CCNI: variants seen among roughly 807,000 people sequenced by gnomAD.
The protein encoded by CCNI is cyclin-I.
Under a neutral mutation model 34.1 loss-of-function variants are expected in CCNI, and 14 were observed. That is an observed-to-expected ratio of 0.41 (90% CI 0.27 to 0.64). The LOEUF (loss-of-function observed/expected upper bound fraction) is 0.64, where lower values mean the gene tolerates loss of function less well. CCNI is among the 30% of genes least tolerant of loss of function. CCNI has a pLI of 0.31. For missense variants in CCNI, 385 were observed against 440.5 expected, an observed-to-expected ratio of 0.87 and a Z score of 1.13; for synonymous variants, 154 against 158.4, an observed-to-expected ratio of 0.97 and a Z score of 0.21.
chr4:77,056,225 CATT>C (rs748705549), intron 4 of CCNI, 21 bp downstream of exon 4: 10 of 1,604,180 alleles, frequency 6.2e-6, no homozygotes, highest in Non-Finnish European at 7.7e-6. Flanking sequence ...ACGGAAGAAA[CATT>C]ATCTTGAAAG....
intron 2 of CCNI, among the ~76,000 whole-genome samples, chr4:77,062,981 G>A (rs998784252): frequency 6.6e-6 from 1 of 152,184 alleles, no homozygotes; most frequent in African/African-American, 2.4e-5. Context: ...TCTATTATAT[G>A]CAAGTAAACA....
At chr4:77,051,802 A>T (rs1182910833) in intron 6 of CCNI, among the ~76,000 whole-genome samples, 1 of 152,136 alleles carries the variant, frequency 6.6e-6, no homozygotes, top group Non-Finnish European at 1.5e-5. Context: ...AATATGTATT[A>T]TTTTTTATAA....
chr4:77,066,254 T>G lies in CCNI; in HGVS notation c.109A>C (p.Asn37His). ...WKVNVRKMPSNQNVSPSQRDE... is the reference protein window; with the variant it reads ...WKVNVRKMPSHQNVSPSQRDE... ...CTTAAGAGAAAAATCATTACCTGAT[T>G]TGAAGGCATTTTCCGCACATTCACT... Residue 37 changes from asparagine to histidine, a missense_variant, in exon 2 of 7, where the codon AAT becomes CAT. This residue lies in a region of CCNI where 135 missense variants were observed against 191.8 expected (regional missense o/e 0.70). Coordinates refer to ENST00000237654, the MANE Select transcript of CCNI (RefSeq NM_006835.3). 1 of 1,613,760 alleles carries G rather than the reference T, an allele frequency of 6.2e-7. No individual in the cohort carries two copies. The highest frequency in any genetic ancestry group is 8.5e-7 in the Non-Finnish European group (1 of 1,179,688).
At chr4:77,064,662 G>A (rs530655899) in intron 2 of CCNI, 32 of 149,672 alleles carry the variant, frequency 2.1e-4, no homozygotes, top group African/African-American at 5.9e-4. Flanking sequence ...GAAAAGGATC[G>A]AATTATAATT....
intron 3 of CCNI, among the ~76,000 whole-genome samples, chr4:77,058,290 C>T (rs554682594): frequency 4.6e-5 from 7 of 151,996 alleles, no homozygotes; most frequent in Non-Finnish European, 7.4e-5. Flanking sequence ...AGGAGGCAGA[C>T]ACACTCCAGC....
chr4:77,059,242 G>A (rs1728442484), intron 2 of CCNI, among the ~76,000 whole-genome samples: 1 of 151,774 alleles, frequency 6.6e-6, no homozygotes, highest in African/African-American at 2.4e-5. Flanking sequence ...TTGTTTTATT[G>A]TTGTTGTAAG....
In CCNI at chr4:77,048,615, G is replaced by C; in HGVS notation, c.738C>G (p.His246Gln). 1 of 1,581,158 alleles carries C rather than the reference G, an allele frequency of 6.3e-7. No individual in the cohort carries two copies. The highest frequency in any genetic ancestry group is 1.8e-5 in the Admixed American group (1 of 56,884). ...GCAGGGAAGACTGCAGAGTAGAAAGGTGATGTGCCACAAGCTCCCGACAAT... is the reference window on the plus strand; with the variant it reads ...GCAGGGAAGACTGCAGAGTAGAAAGCTGATGTGCCACAAGCTCCCGACAAT... Reference protein sequence around the residue: ...LIHCRELVAHHLSTLQSSLPL... With the variant: ...LIHCRELVAHQLSTLQSSLPL... Residue 246 changes from histidine (H) to glutamine (Q), a missense_variant, in exon 7 of 7, where the codon CAC becomes CAG. By Grantham distance (24) the His-to-Gln change is conservative. Coordinates refer to ENST00000237654, the MANE Select transcript of CCNI (RefSeq NM_006835.3).
intron 1 of CCNI, among the ~76,000 whole-genome samples, chr4:77,067,714 C>T (rs1421322970): frequency 6.9e-6 from 1 of 145,036 alleles, no homozygotes; most frequent in Admixed American, 6.9e-5. Context: ...GTTGCCCAGC[C>T]TCACGCAGTC....
intron 3 of CCNI, among the ~76,000 whole-genome samples, chr4:77,056,737 C>CT (rs1392034039): frequency 1.3e-5 from 2 of 151,812 alleles, no homozygotes; most frequent in Non-Finnish European, 2.9e-5. Context: ...CTACAACGCC[C>CT]GCCACCACGC....
chr4:77,048,916 G>A (rs1727637228), intron 6 of CCNI, among the ~76,000 whole-genome samples: 1 of 144,102 alleles, frequency 6.9e-6, no homozygotes, highest in African/African-American at 2.5e-5. Context: ...AATGTATGCT[G>A]AACATTTACA....
intron 1 of CCNI, among the ~76,000 whole-genome samples, chr4:77,068,436 G>C (rs899386144): frequency 6.6e-6 from 1 of 152,116 alleles, no homozygotes; most frequent in African/African-American, 2.4e-5. Flanking sequence ...TTTCATAGTA[G>C]GAAATTCATA....
At chr4:77,070,057 G>A (rs891444452) in intron 1 of CCNI, among the ~76,000 whole-genome samples, 3 of 131,670 alleles carry the variant, frequency 2.3e-5, no homozygotes, top group Non-Finnish European at 3.1e-5. Context: ...TCACTCTGTT[G>A]CCCAGGCTAG....
At chr4:77,073,410 A>G (rs531223648) in intron 1 of CCNI, among the ~76,000 whole-genome samples, 1 of 152,316 alleles carries the variant, frequency 6.6e-6, no homozygotes, top group East Asian at 1.9e-4. Context: ...AACTTCACTA[A>G]TATGTATTAT....
At position 77,075,626 on chromosome 4, in the gene CCNI, A is replaced by G. The variant is rs1225706387; in HGVS notation, c.-198T>C. 1 of 956,402 alleles carries G rather than the reference A, an allele frequency of 1.0e-6. No homozygotes were observed. Among genetic ancestry groups the G allele is most frequent in the Non-Finnish European group, 1.2e-6 (1 of 802,854 alleles). The allele number at this position is 956,402 out of a possible 1,614,324, so 59.2% of individuals were successfully genotyped here. ...GACTCGGCCAACTGAGGAGGGAGAA[A>G]GGGGAAGCGGATCGGGGGGCGCGGG... On this transcript the variant is annotated 5_prime_UTR_variant, in exon 1 of 7. Coordinates refer to ENST00000237654, the MANE Select transcript of CCNI (RefSeq NM_006835.3).
rs4252915 is a variant in CCNI at position 77,053,037 on chromosome 4, G to T, written c.690+2113C>A. 6.3e-3 allele frequency among the ~76,000 whole-genome samples: 960 copies of T among 152,214 alleles called. 15 individuals are homozygous for T. Among genetic ancestry groups the T allele is most frequent in the African/African-American group, 0.022 (912 of 41,496 alleles). ...TTCCAGTTTTCAAACTACGTCCAAA[G>T]ACTACCTACATAATATAATCTAAAC... On this transcript the variant is annotated intron_variant, in intron 6 of 6. Transcript: ENST00000237654.
intron 2 of CCNI, among the ~76,000 whole-genome samples, chr4:77,065,755 C>G (rs967198160): frequency 1.3e-5 from 2 of 152,178 alleles, no homozygotes; most frequent in Non-Finnish European, 2.9e-5. Flanking sequence ...CAAACAAAAA[C>G]AGTTAACTCT....
intron 5 of CCNI, 41 bp from the exon 6 acceptor site, chr4:77,055,421 T>C: frequency 7.5e-7 from 1 of 1,326,640 alleles, no homozygotes; most frequent in South Asian, 1.2e-5. Context: ...TATTTAAATA[T>C]CTGGGAAATT....
chr4:77,073,390 C>A (rs1560788009), intron 1 of CCNI, among the ~76,000 whole-genome samples: 1 of 152,168 alleles, frequency 6.6e-6, no homozygotes, highest in African/African-American at 2.4e-5. Context: ...GCTGGGTATA[C>A]AATATAAACA....
Position 77,066,401 on chromosome 4 carries a change from G to A in CCNI, c.-39C>T. 1 of 1,611,006 alleles carries A rather than the reference G, an allele frequency of 6.2e-7. No individual in the cohort carries two copies. Among genetic ancestry groups the A allele is most frequent in the Non-Finnish European group, 8.5e-7 (1 of 1,178,622 alleles). On this transcript the variant is annotated 5_prime_UTR_variant, in exon 2 of 7. Coordinates refer to ENST00000237654, the MANE Select transcript of CCNI (RefSeq NM_006835.3). ...TCTGCCTGCTACCCAGCTTGCTGTAGCTACCTACAGAATCAAGTAAGTTTT... is the reference window on the plus strand; with the variant it reads ...TCTGCCTGCTACCCAGCTTGCTGTAACTACCTACAGAATCAAGTAAGTTTT...
Sources: gnomAD v4.1 joint callset for allele counts (sites outside exome capture counted in the v4.1 genomes callset) on GRCh38, gnomAD v4.1.1 for gene constraint, gnomAD v4.1.1 regional missense constraint, MANE v1.5 for transcripts, NCBI Gene and HGNC (gene_info 2026-07-23, HGNC 2026-07-21) for gene names.